Variants in GRB10 observed in about 807,000 individuals in gnomAD.
The protein encoded by GRB10 is growth factor receptor-bound protein 10.
GRB10 carries 20 observed loss-of-function variants against 80.9 expected under a neutral mutation model. The observed-to-expected ratio is 0.25, with a 90% CI of 0.17 to 0.36. The LOEUF is 0.36. Among genes scored for constraint, GRB10 ranks in the 10% least tolerant of loss-of-function variants. GRB10 has a pLI of 1.00. For synonymous variants in GRB10, 291 were observed against 291.5 expected, an observed-to-expected ratio of 1.00 and a Z score of 0.02; for missense variants, 548 against 747.7, an observed-to-expected ratio of 0.73 and a Z score of 3.12.
intron 3 of GRB10, among the ~76,000 whole-genome samples, chr7:50,739,607 C>T (rs1206445988): frequency 3.9e-5 from 6 of 152,216 alleles, no homozygotes; most frequent in Non-Finnish European, 7.3e-5. Context: ...TTCTGTTCTA[C>T]TGTATTTATT....
chr7:50,673,382 T>A (rs974586267), intron 6 of GRB10, among the ~76,000 whole-genome samples: 2 of 152,114 alleles, frequency 1.3e-5, no homozygotes, highest in African/African-American at 2.4e-5. Flanking sequence ...TCTACAAAGA[T>A]CTTCATTCAG....
chr7:50,757,766 A>G (rs762938360), intron 2 of GRB10, among the ~76,000 whole-genome samples: 4 of 152,222 alleles, frequency 2.6e-5, no homozygotes, highest in Non-Finnish European at 5.9e-5. Context: ...CACCATCACA[A>G]CAGCATACGA....
intron 2 of GRB10, among the ~76,000 whole-genome samples, chr7:50,770,273 G>GT (rs1232633196): frequency 2.6e-5 from 4 of 152,216 alleles, no homozygotes; most frequent in Non-Finnish European, 5.9e-5. Flanking sequence ...GACTGAAGAA[G>GT]TAAGTTCCCT....
chr7:50,625,795 G>T (rs141695155), intron 8 of GRB10, among the ~76,000 whole-genome samples: 12 of 152,310 alleles, frequency 7.9e-5, no homozygotes, highest in African/African-American at 2.9e-4. Context: ...GAGACTTAAG[G>T]TGGTGTCAGC....
At chr7:50,789,247 T>C (rs977136048) in intron 1 of GRB10, among the ~76,000 whole-genome samples, 1 of 152,200 alleles carries the variant, frequency 6.6e-6, no homozygotes, top group Non-Finnish European at 1.5e-5. Flanking sequence ...CCAAGTCCCC[T>C]TTCTAACCAA....
At chr7:50,673,969 G>A (rs1307897005) in intron 6 of GRB10, among the ~76,000 whole-genome samples, 1 of 152,128 alleles carries the variant, frequency 6.6e-6, no homozygotes, top group Non-Finnish European at 1.5e-5. Flanking sequence ...ACAGAGATGT[G>A]CCTACCCCTG....
intron 2 of GRB10, among the ~76,000 whole-genome samples, chr7:50,773,919 G>A (rs942980361): frequency 3.9e-5 from 6 of 152,156 alleles, no homozygotes; most frequent in Non-Finnish European, 1.5e-5. Context: ...GTGCAGTGGC[G>A]TGATCTCAGC....
Position 50,782,333 on chromosome 7 carries a change from G to A in GRB10, c.-327+91C>T, listed in dbSNP as rs2078375921. The A allele has an allele frequency of 6.7e-6, 1 of 149,092 alleles. No individual in the cohort carries two copies. The highest frequency in any genetic ancestry group is 2.0e-4 in the South Asian group (1 of 4,890). The allele number at this position is 149,092 out of a possible 1,614,324, so 9.2% of individuals were successfully genotyped here. ...GTCCGCCGCGGCCGGGGCCTCTGCA[G>A]CCTGCGCAGGCCGATCCGCCCGCCG... On this transcript the variant is annotated intron_variant, in intron 1 of 18. Transcript: ENST00000401949. This position sits in a 1 kb window ranked among gnomAD's most constrained non-coding sequence, Gnocchi z 6.6.
intron 5 of GRB10, among the ~76,000 whole-genome samples, chr7:50,686,070 G>A (rs148290519): frequency 8.7e-4 from 132 of 152,284 alleles, no homozygotes; most frequent in Admixed American, 3.3e-3. Context: ...CTCAGAAAAC[G>A]AACAGAGTTC....
At chr7:50,611,045 A>C (rs2049427715) in intron 13 of GRB10, among the ~76,000 whole-genome samples, 1 of 151,846 alleles carries the variant, frequency 6.6e-6, no homozygotes, top group Non-Finnish European at 1.5e-5. Flanking sequence ...TTAAAATTTC[A>C]ACCATATACA....
chr7:50,692,422 T>C (rs1023941967), intron 5 of GRB10, among the ~76,000 whole-genome samples: 1 of 152,146 alleles, frequency 6.6e-6, no homozygotes, highest in South Asian at 2.1e-4. Flanking sequence ...GCTGTCTTCC[T>C]GCTTGAGTTC....
At chr7:50,673,278 A>T (rs1443960532) in intron 6 of GRB10, among the ~76,000 whole-genome samples, 2 of 152,206 alleles carry the variant, frequency 1.3e-5, no homozygotes, top group Non-Finnish European at 2.9e-5. Flanking sequence ...AGGCCCAGAG[A>T]GGCACGCAGG....
At chr7:50,783,404 C>G (rs1398922703), upstream of GRB10, among the ~76,000 whole-genome samples, 1 of 148,090 alleles carries the variant, frequency 6.8e-6, no homozygotes, top group African/African-American at 2.5e-5. Flanking sequence ...ATGTGCTAGT[C>G]ACTTCACACA....
intron 7 of GRB10, among the ~76,000 whole-genome samples, chr7:50,652,637 A>G (rs1399957481): frequency 2.6e-5 from 4 of 152,076 alleles, no homozygotes; most frequent in African/African-American, 9.7e-5. Flanking sequence ...GTGGGAGGAG[A>G]AGGATTCTGA....
At chr7:50,659,428 C>G (rs1013195337) in intron 7 of GRB10, among the ~76,000 whole-genome samples, 1 of 152,154 alleles carries the variant, frequency 6.6e-6, no homozygotes, top group Admixed American at 6.5e-5. Flanking sequence ...GCCAAGCCCC[C>G]CTTTGAAAAA....
chr7:50,660,226 G>C (rs573015609), intron 7 of GRB10, among the ~76,000 whole-genome samples: 2 of 152,298 alleles, frequency 1.3e-5, no homozygotes, highest in Admixed American at 1.3e-4. Flanking sequence ...AGGGGAAGTG[G>C]CAGGGAGGCG....
intron 11 of GRB10, among the ~76,000 whole-genome samples, chr7:50,615,456 G>A (rs1290095755): frequency 2.0e-5 from 3 of 152,190 alleles, no homozygotes; most frequent in Non-Finnish European, 2.9e-5. Context: ...CTCTGCAGAC[G>A]CCCCTTCTCT....
At chr7:50,683,645 G>A (rs1011721996) in intron 5 of GRB10, among the ~76,000 whole-genome samples, 8 of 152,142 alleles carry the variant, frequency 5.3e-5, no homozygotes, top group African/African-American at 1.7e-4. Context: ...CCTGAGGCAG[G>A]AGAATCGCTT....
chr7:50,730,141 G>C (rs1170619820), intron 4 of GRB10, among the ~76,000 whole-genome samples: 1 of 152,244 alleles, frequency 6.6e-6, no homozygotes, highest in Non-Finnish European at 1.5e-5. Flanking sequence ...ACATTCTAAA[G>C]GAAAAACTTA....
Sources: gnomAD v4.1 joint callset for allele counts (sites outside exome capture counted in the v4.1 genomes callset) on GRCh38, gnomAD v4.1.1 for gene constraint, Gnocchi (gnomAD v3.1) non-coding constraint, MANE v1.5 for transcripts, NCBI Gene and HGNC (gene_info 2026-07-23, HGNC 2026-07-21) for gene names.